Variants in TMA16 observed in about 807,000 individuals in gnomAD.
TMA16 encodes translation machinery associated 16 homolog.
In TMA16, 26 loss-of-function variants were observed where a neutral mutation model predicts 27.1. The ratio of observed to expected loss-of-function variants is 0.96; its 90% confidence interval spans 0.70 to 1.33. TMA16 has a LOEUF of 1.33. TMA16 is among the 40% of genes most tolerant of loss of function. The pLI is 0.00. For missense variants in TMA16, 233 were observed against 241.4 expected, an observed-to-expected ratio of 0.97 and a Z score of 0.23; for synonymous variants, 71 against 81.9, an observed-to-expected ratio of 0.87 and a Z score of 0.72.
Position 163,510,662 on chromosome 4 carries a change from C to T in TMA16, c.117-2160C>T, listed in dbSNP as rs184347967. The stretch of plus-strand genomic sequence containing the variant: ...TGCTTATCCATTCACTGTCTATGTT[C>T]GTTTGGTTATATTTTCATTTTTGGC... On this transcript the variant is annotated intron_variant, in intron 2 of 6. Coordinates refer to ENST00000358572, the MANE Select transcript of TMA16 (RefSeq NM_018352.3). Among the ~76,000 whole-genome samples the T allele has an allele frequency of 1.5e-3, 229 of 152,212 alleles. 1 individual carries two copies. The highest frequency in any genetic ancestry group is 6.2e-4 in the Non-Finnish European group (42 of 68,006).
At chr4:163,498,767 C>T (rs1046892720) in intron 1 of TMA16, among the ~76,000 whole-genome samples, 14 of 152,288 alleles carry the variant, frequency 9.2e-5, no homozygotes, top group Middle Eastern at 3.4e-3. Context: ...CTCGGGCTGA[C>T]GCCTCTGTCT....
chr4:163,499,205 A>G lies in TMA16; in HGVS notation c.3+4401A>G, dbSNP rs576760707. 2.7e-4 allele frequency among the ~76,000 whole-genome samples: 41 copies of G among 152,228 alleles called. 1 individual carries two copies. The highest frequency in any genetic ancestry group is 8.7e-4 in the African/African-American group (36 of 41,530). Reference sequence around the variant, plus strand: ...TATATCTTTTGCTGATCTTTTTCATATTAATCTTAAAATAACTTCTTAAGA... The same window carrying G: ...TATATCTTTTGCTGATCTTTTTCATGTTAATCTTAAAATAACTTCTTAAGA... On this transcript the variant is annotated intron_variant, in intron 1 of 6. Transcript: ENST00000358572.
Position 163,494,781 on chromosome 4 carries a change from C to A in TMA16, c.-21C>A. 6.2e-7 allele frequency: 1 copy of A among 1,612,912 alleles called. No homozygotes were observed. The highest frequency in any genetic ancestry group is 8.5e-7 in the Non-Finnish European group (1 of 1,180,026). On this transcript the variant is annotated 5_prime_UTR_variant, in exon 1 of 7. Coordinates refer to ENST00000358572, the MANE Select transcript of TMA16 (RefSeq NM_018352.3). The stretch of plus-strand genomic sequence containing the variant: ...CTGGGTCTAGAGTGCGGAGCTGCTC[C>A]GTGGCCACGAGGACGTCACCATGGT...
chr4:163,505,322 C>T (rs1384210977), intron 1 of TMA16, among the ~76,000 whole-genome samples: 1 of 152,128 alleles, frequency 6.6e-6, no homozygotes, highest in Non-Finnish European at 1.5e-5. Flanking sequence ...TATGATGGTT[C>T]TACATATTTT....
At chr4:163,495,577 T>C (rs1162535810) in intron 1 of TMA16, among the ~76,000 whole-genome samples, 2 of 152,220 alleles carry the variant, frequency 1.3e-5, no homozygotes, top group East Asian at 1.9e-4. Flanking sequence ...ATTTTTTACG[T>C]AATCGTTGTG....
intron 2 of TMA16, among the ~76,000 whole-genome samples, chr4:163,507,534 T>G (rs953947803): frequency 2.0e-5 from 3 of 152,080 alleles, no homozygotes; most frequent in African/African-American, 4.8e-5. Flanking sequence ...AGAGGAGATA[T>G]GGAATGGATA....
chr4:163,515,693 A>T, intron 5 of TMA16: 1 of 412,162 alleles, frequency 2.4e-6, no homozygotes, highest in Non-Finnish European at 4.4e-6. Context: ...TTTTACCGTG[A>T]TAGTAATACT....
rs558397148 is a variant in TMA16, at chr4:163,520,053, G to C, written c.*539G>C. 20 of 584,424 alleles carry C rather than the reference G, an allele frequency of 3.4e-5. No individual in the cohort carries two copies. The highest frequency in any genetic ancestry group is 1.1e-4 in the African/African-American group (6 of 52,268). 36.2% of individuals were successfully genotyped at this position (584,424 alleles called of 1,614,324 possible). ...AGATTATTATTTATCTTTTGAACCA[G>C]AGCTAAATGGTAAAAGAAAAAAAAT... On this transcript the variant is annotated 3_prime_UTR_variant, in exon 7 of 7. Coordinates refer to ENST00000358572, the MANE Select transcript of TMA16 (RefSeq NM_018352.3).
Position 163,514,152 on chromosome 4 carries a change from T to C in TMA16, c.233T>C (p.Ile78Thr), listed in dbSNP as rs1184504452. ...TCAAAGAAAGATGCTTGTGAACTAA[T>C]TGAAAGGTAAACACTGGGCATATTA... ...RYSKKDACEL[I>T]ERYLNRFSSE... The change falls in exon 4 of 7, where the codon ATT becomes ACT. Residue 78 changes from isoleucine (I) to threonine (T), a missense_variant. By Grantham distance (89) the Ile-to-Thr change is moderately conservative (BLOSUM62 -1). Coordinates refer to ENST00000358572, the MANE Select transcript of TMA16 (RefSeq NM_018352.3). 3.7e-6 allele frequency: 6 copies of C among 1,605,800 alleles called. No individual in the cohort carries two copies. The highest frequency in any genetic ancestry group is 1.7e-4 in the Middle Eastern group (1 of 6,058).
rs756759611 is a variant in TMA16, at chr4:163,515,506, T to C, written c.388+45T>C. 3 of 1,507,034 alleles carry C rather than the reference T, an allele frequency of 2.0e-6. No individual in the cohort carries two copies. In the South Asian group the frequency reaches 4.1e-5, roughly 20 times the overall value. The allele number at this position is 1,507,034 out of a possible 1,614,324, so 93.4% of individuals were successfully genotyped here. ...ATTTTCCTTTTATATGACATAGCAG[T>C]ATCAATTTGTGATTGATTTCAAAGG... On this transcript the variant is annotated intron_variant, in intron 5 of 6. Coordinates refer to ENST00000358572, the MANE Select transcript of TMA16 (RefSeq NM_018352.3).
At chr4:163,496,145 A>T (rs957066519) in intron 1 of TMA16, among the ~76,000 whole-genome samples, 1 of 151,856 alleles carries the variant, frequency 6.6e-6, no homozygotes, top group African/African-American at 2.4e-5. Context: ...TTTTTTTTTG[A>T]TATAACCTCA....
intron 1 of TMA16, among the ~76,000 whole-genome samples, chr4:163,505,299 A>T (rs1300920048): frequency 6.6e-6 from 1 of 152,220 alleles, no homozygotes; most frequent in Admixed American, 6.5e-5. Context: ...ATAAAAGAGT[A>T]CATATACTCT....
rs200637356 is a variant in TMA16, at chr4:163,515,386, C to T, written c.313C>T (p.Arg105Trp). 1.9e-6 allele frequency: 3 copies of T among 1,613,842 alleles called. No homozygotes were observed. The highest frequency in any genetic ancestry group is 1.1e-5 in the South Asian group (1 of 91,068). ...HNSIRDRQGR[R>W]HCSRETVIKQ... ...CAGTATCAGGGACAGGCAGGGGAGGCGGCACTGTTCCCGGGAGACCGTCAT... is the reference window on the plus strand; with the variant it reads ...CAGTATCAGGGACAGGCAGGGGAGGTGGCACTGTTCCCGGGAGACCGTCAT... Residue 105 changes from arginine to tryptophan, a missense_variant, in exon 5 of 7, where the codon CGG (arginine) becomes TGG (tryptophan). Physicochemically the swap from Arg to Trp is moderately radical, Grantham distance 101. Transcript: ENST00000358572.
chr4:163,508,403 G>C (rs919343614), intron 2 of TMA16, among the ~76,000 whole-genome samples: 1 of 152,074 alleles, frequency 6.6e-6, no homozygotes, highest in African/African-American at 2.4e-5. Context: ...GAGAATCACT[G>C]ACCTATACTA....
intron 5 of TMA16, among the ~76,000 whole-genome samples, chr4:163,516,519 CTTCT>C (rs879910417): frequency 1.3e-5 from 2 of 152,308 alleles, no homozygotes; most frequent in Admixed American, 6.5e-5. Context: ...CTTATTTTAT[CTTCT>C]TTATTACTTG....
chr4:163,514,207 C>A, intron 4 of TMA16, 49 bp downstream of exon 4: 2 of 1,436,910 alleles, frequency 1.4e-6, no homozygotes, highest in South Asian at 1.3e-5. Flanking sequence ...GGGAATTGTC[C>A]AGCCTGGTTC....
At chr4:163,515,067 A>G (rs995362664) in intron 4 of TMA16, among the ~76,000 whole-genome samples, 3 of 152,142 alleles carry the variant, frequency 2.0e-5, no homozygotes, top group Non-Finnish European at 4.4e-5. Context: ...GGGGACATCC[A>G]GATTGAGATG....
At position 163,519,190 on chromosome 4, in the gene TMA16, A is replaced by G. The variant is rs75440966; in HGVS notation, c.432-144A>G. 2,186 of 648,614 alleles carry G rather than the reference A, an allele frequency of 3.4e-3. 36 individuals carry two copies. The African/African-American group carries it at 0.036, about 11-fold the overall frequency. 40.2% of individuals were successfully genotyped at this position (648,614 alleles called of 1,614,324 possible). A position where few individuals can be genotyped will look rare whatever the true frequency, so the allele number is the denominator to read the frequency against. On this transcript the variant is annotated intron_variant, in intron 6 of 6. Transcript: ENST00000358572. ...GAAAGAATAGAACAGCTTTCTAGTA[A>G]TTTGTGCCTAATATTTTCCTTTAAC... is the stretch of plus-strand genomic sequence containing the variant.
At chr4:163,502,556 G>A (rs989733715) in intron 1 of TMA16, among the ~76,000 whole-genome samples, 1 of 152,170 alleles carries the variant, frequency 6.6e-6, no homozygotes, top group African/African-American at 2.4e-5. Flanking sequence ...GCTACCAAGA[G>A]GGAAAGGCTA....
Sources: gnomAD v4.1 joint callset for allele counts (sites outside exome capture counted in the v4.1 genomes callset) on GRCh38, gnomAD v4.1.1 for gene constraint, MANE v1.5 for transcripts, NCBI Gene and HGNC (gene_info 2026-07-23, HGNC 2026-07-21) for gene names.